The following TMEM163 variants were observed in gnomAD, a reference collection of about 807,000 sequenced individuals.
TMEM163 encodes the protein transmembrane protein 163.
TMEM163 carries 17 observed loss-of-function variants against 29.3 expected under a neutral mutation model. That is an observed-to-expected ratio of 0.58 (90% CI 0.40 to 0.87). The LOEUF is 0.87. Ranked by LOEUF, TMEM163 falls within the 40% of genes least tolerant of loss-of-function variation. TMEM163 has a pLI of 0.00. For synonymous variants in TMEM163, 157 were observed against 160.6 expected, an observed-to-expected ratio of 0.98 and a Z score of 0.17; for missense variants, 303 against 381.5, an observed-to-expected ratio of 0.79 and a Z score of 1.71.
chr2:134,490,812 C>G (rs1360204919), intron 5 of TMEM163, among the ~76,000 whole-genome samples: 1 of 152,082 alleles, frequency 6.6e-6, no homozygotes, highest in African/African-American at 2.4e-5. Flanking sequence ...CGCCGCTTTG[C>G]TGTGCTAGGG....
At chr2:134,517,551 G>A (rs1158153867) in intron 4 of TMEM163, among the ~76,000 whole-genome samples, 1 of 152,102 alleles carries the variant, frequency 6.6e-6, no homozygotes, top group Non-Finnish European at 1.5e-5. Flanking sequence ...ACACAGTTTT[G>A]TGTTTCATTT....
At chr2:134,704,328 T>G (rs930712361) in intron 2 of TMEM163, among the ~76,000 whole-genome samples, 2 of 152,160 alleles carry the variant, frequency 1.3e-5, no homozygotes, top group Non-Finnish European at 2.9e-5. Context: ...GAATGAGGGC[T>G]GCTGATGGCT....
At chr2:134,667,581 T>C (rs1186840752) in intron 2 of TMEM163, among the ~76,000 whole-genome samples, 1 of 152,240 alleles carries the variant, frequency 6.6e-6, no homozygotes, top group Non-Finnish European at 1.5e-5. Context: ...CCACCCAGGC[T>C]ATGTGTTTAA....
chr2:134,705,847 C>T (rs1684799074), intron 2 of TMEM163, among the ~76,000 whole-genome samples: 1 of 152,212 alleles, frequency 6.6e-6, no homozygotes, highest in South Asian at 2.1e-4. Flanking sequence ...GACAAATGTC[C>T]CAAAGGGCCC....
intron 2 of TMEM163, among the ~76,000 whole-genome samples, chr2:134,703,316 C>T (rs964005752): frequency 6.6e-6 from 1 of 152,086 alleles, no homozygotes; most frequent in African/African-American, 2.4e-5. Context: ...TGAGAGGTTT[C>T]TTCAGGAAGA....
At chr2:134,478,281 A>T (rs1686965448) in intron 5 of TMEM163, among the ~76,000 whole-genome samples, 1 of 152,236 alleles carries the variant, frequency 6.6e-6, no homozygotes. Context: ...AAAATGTGGA[A>T]GCAGCTTTGG....
intron 2 of TMEM163, among the ~76,000 whole-genome samples, chr2:134,686,190 C>G (rs903745245): frequency 6.6e-6 from 1 of 152,218 alleles, no homozygotes; most frequent in Non-Finnish European, 1.5e-5. Flanking sequence ...CACATTTCAC[C>G]TGCCAGAAGT....
chr2:134,625,197 A>G (rs961206736), intron 2 of TMEM163, among the ~76,000 whole-genome samples: 3 of 152,210 alleles, frequency 2.0e-5, no homozygotes, highest in East Asian at 1.9e-4. Flanking sequence ...GTTTGTGTCC[A>G]CTACCATTAA....
At chr2:134,502,325 T>C (rs1679713340) in intron 5 of TMEM163, among the ~76,000 whole-genome samples, 1 of 152,142 alleles carries the variant, frequency 6.6e-6, no homozygotes, top group Non-Finnish European at 1.5e-5. Context: ...TGTAAAAATA[T>C]TTCTTTTCTC....
intron 4 of TMEM163, among the ~76,000 whole-genome samples, chr2:134,538,233 G>A (rs898826151): frequency 2.6e-5 from 4 of 152,194 alleles, no homozygotes; most frequent in African/African-American, 9.7e-5. Context: ...CCTCATAAAA[G>A]AGGCCCGAGA....
chr2:134,656,495 A>T (rs1683617899), intron 2 of TMEM163, among the ~76,000 whole-genome samples: 1 of 152,070 alleles, frequency 6.6e-6, no homozygotes. Flanking sequence ...GAAATGCAGA[A>T]ATCACCCGTC....
intron 1 of TMEM163, among the ~76,000 whole-genome samples, chr2:134,718,402 G>T (rs1235904472): frequency 6.6e-6 from 1 of 152,210 alleles, no homozygotes; most frequent in Non-Finnish European, 1.5e-5. Context: ...AGAAGCGCTC[G>T]ACTCCGAACG....
chr2:134,657,418 C>G (rs1478474137), intron 2 of TMEM163, among the ~76,000 whole-genome samples: 1 of 152,206 alleles, frequency 6.6e-6, no homozygotes, highest in East Asian at 1.9e-4. Context: ...GACCATTATT[C>G]TAAATAAAGT....
At chr2:134,580,214 C>T (rs1023749448) in intron 2 of TMEM163, among the ~76,000 whole-genome samples, 11 of 152,142 alleles carry the variant, frequency 7.2e-5, no homozygotes, top group African/African-American at 2.4e-4. Flanking sequence ...GACTTTTGTA[C>T]TGAGGGAAAC....
chr2:134,557,751 A>G (rs569538257), intron 2 of TMEM163, among the ~76,000 whole-genome samples: 1 of 152,332 alleles, frequency 6.6e-6, no homozygotes, highest in Non-Finnish European at 1.5e-5. Context: ...CATCTGTCTC[A>G]GGTGAACAGA....
At chr2:134,458,369 C>T (rs998305724) in intron 6 of TMEM163, 196 bp from the exon 7 acceptor site, 10 of 611,452 alleles carry the variant, frequency 1.6e-5, no homozygotes, top group Admixed American at 2.9e-5. Context: ...AGAATAGAGC[C>T]GTCACCCCCA....
chr2:134,695,078 A>G (rs1320858696), intron 2 of TMEM163, among the ~76,000 whole-genome samples: 3 of 151,992 alleles, frequency 2.0e-5, no homozygotes, highest in African/African-American at 7.2e-5. Context: ...GGAAAGGAGG[A>G]AAAAAAAATT....
At chr2:134,540,073 G>A (rs527333842) in intron 4 of TMEM163, among the ~76,000 whole-genome samples, 2 of 152,304 alleles carry the variant, frequency 1.3e-5, no homozygotes, top group East Asian at 3.9e-4. Context: ...AGTGTCCAAG[G>A]GTAACCATCC....
At chr2:134,467,726 A>T (rs947229216) in intron 5 of TMEM163, 2 of 152,234 alleles carry the variant, frequency 1.3e-5, no homozygotes, top group African/African-American at 4.8e-5. Context: ...AACCGGGGAC[A>T]TGAGAAGAAA....
Sources: gnomAD v4.1 joint callset for allele counts (sites outside exome capture counted in the v4.1 genomes callset) on GRCh38, gnomAD v4.1.1 for gene constraint, MANE v1.5 for transcripts, NCBI Gene and HGNC (gene_info 2026-07-23, HGNC 2026-07-21) for gene names.